Variants in RASGRF1 observed in about 807,000 individuals in gnomAD.
RASGRF1 encodes Ras protein specific guanine nucleotide releasing factor 1.
In RASGRF1, 40 loss-of-function variants were observed where a neutral mutation model predicts 138.7. That is an observed-to-expected ratio of 0.29 (90% CI 0.22 to 0.38). The LOEUF is 0.38. Ranked by LOEUF, RASGRF1 falls within the 10% of genes least tolerant of loss-of-function variation. The pLI is 1.00. For missense variants in RASGRF1, 1,108 were observed against 1,650.4 expected (o/e 0.67, Z 5.69); for synonymous variants, 614 against 663.2 (o/e 0.93, Z 1.14).
At chr15:78,992,695 C>T (rs1005587255) in intron 20 of RASGRF1, among the ~76,000 whole-genome samples, 3 of 152,198 alleles carry the variant, frequency 2.0e-5, no homozygotes, top group Admixed American at 2.0e-4. Context: ...TGAGAGATGA[C>T]TGTCTCGTGT....
chr15:79,000,046 CG>C, intron 16 of RASGRF1, 133 bp from the exon 17 acceptor site: 1 of 925,186 alleles, frequency 1.1e-6, no homozygotes, highest in Non-Finnish European at 1.7e-6. Context: ...CAGGGCATGT[CG>C]GGTGGTGCTG....
At chr15:79,079,781 C>T (rs1362020871) in intron 1 of RASGRF1, among the ~76,000 whole-genome samples, 1 of 152,210 alleles carries the variant, frequency 6.6e-6, no homozygotes, top group Non-Finnish European at 1.5e-5. Flanking sequence ...TATGGACATG[C>T]ATTACCAATC....
chr15:78,978,549 C>T, intron 24 of RASGRF1: 4 of 986,556 alleles, frequency 4.1e-6, no homozygotes, highest in Non-Finnish European at 4.8e-6. Flanking sequence ...TAATGAAAAG[C>T]TAAAAAAAGA....
intron 5 of RASGRF1, among the ~76,000 whole-genome samples, chr15:79,041,913 G>A (rs1296745950): frequency 2.0e-5 from 3 of 152,134 alleles, no homozygotes; most frequent in Non-Finnish European, 2.9e-5. Context: ...CTCAGCTCAG[G>A]GCTCCAGGCA....
intron 24 of RASGRF1, chr15:78,979,471 T>C (rs1292238989): frequency 2.5e-5 from 5 of 198,332 alleles, no homozygotes; most frequent in Non-Finnish European, 3.2e-5. Flanking sequence ...CTGAGCTATA[T>C]AGGGAACCGG....
intron 26 of RASGRF1, among the ~76,000 whole-genome samples, chr15:78,966,858 G>A (rs906478380): frequency 6.6e-6 from 1 of 151,928 alleles, no homozygotes; most frequent in Non-Finnish European, 1.5e-5. Flanking sequence ...AATACACACT[G>A]GATTTTTGAA....
At chr15:79,021,954 C>T (rs575514448) in intron 10 of RASGRF1, among the ~76,000 whole-genome samples, 34 of 152,214 alleles carry the variant, frequency 2.2e-4, no homozygotes, top group Admixed American at 4.6e-4. Context: ...GTACCTGACA[C>T]GAGAACTCCC....
chr15:79,059,390 TTC>T (rs2057563752), intron 2 of RASGRF1, among the ~76,000 whole-genome samples: 5 of 119,250 alleles, frequency 4.2e-5, no homozygotes, highest in Non-Finnish European at 6.9e-5. Flanking sequence ...TTCCCTTCCC[TTC>T]CCTTCCCTTC....
rs149357652 is a variant in RASGRF1 at position 79,038,465 on chromosome 15, C to T, written c.879-3255G>A. Among the ~76,000 whole-genome samples the T allele has an allele frequency of 3.9e-5, 6 of 152,118 alleles. No homozygotes were observed. In the South Asian group the frequency reaches 1.0e-3, roughly 26 times the overall value. On this transcript the variant is annotated intron_variant, in intron 5 of 26. Transcript: ENST00000558480. ...CTCAGAAATTACTATCATTGCCCAGCCAACTAAAAAAATTATCTCATATTG... is the reference window on the plus strand; with the variant it reads ...CTCAGAAATTACTATCATTGCCCAGTCAACTAAAAAAATTATCTCATATTG...
At chr15:79,080,153 C>T (rs1441502631) in intron 1 of RASGRF1, among the ~76,000 whole-genome samples, 1 of 152,224 alleles carries the variant, frequency 6.6e-6, no homozygotes, top group East Asian at 1.9e-4. Context: ...AGCCTGTTTC[C>T]CTCCTTGCTC....
Position 79,027,442 on chromosome 15 carries a change from A to G in RASGRF1, c.1381+299T>C, listed in dbSNP as rs2057075878. Among the ~76,000 whole-genome samples the G allele has an allele frequency of 6.6e-6, 1 of 152,206 alleles. No homozygotes were observed. The highest frequency in any genetic ancestry group is 1.9e-4 in the East Asian group (1 of 5,202). On this transcript the variant is annotated intron_variant, in intron 9 of 26. Transcript: ENST00000558480. This position sits in a 1 kb window ranked among gnomAD's most constrained non-coding sequence, Gnocchi z 4.8. ...CCCATACTTTCTCCCCAAAAAGGAC[A>G]TGTCGATGTTTACTATGACATACAA... is the stretch of plus-strand genomic sequence containing the variant.
At chr15:79,012,525 C>T in intron 13 of RASGRF1, 1 of 1,613,910 alleles carries the variant, frequency 6.2e-7, no homozygotes, top group East Asian at 2.2e-5. Context: ...CTCCCTGGTC[C>T]TCCTGTGAAG....
Position 79,064,432 on chromosome 15 carries a change from A to T in RASGRF1, c.371T>A (p.Ile124Asn). The T allele has an allele frequency of 6.2e-7, 1 of 1,614,078 alleles. No homozygotes were observed. Among genetic ancestry groups the T allele is most frequent in the Admixed American group, 1.7e-5 (1 of 60,020 alleles). Residue 124 changes from isoleucine to asparagine, a missense_variant, in exon 2 of 27, where the codon ATT becomes AAT. Physicochemically the swap from Ile to Asn is moderately radical, Grantham distance 149. Around this residue, in one of 3 missense-constraint regions of RASGRF1, gnomAD observed 253 missense variants for 329.5 expected, o/e 0.77. Transcript: ENST00000558480. ...CAAGGAGACATACCTGGCATGTGCA[A>T]TGGCTGCCACCCATTCGTCACAATC... ...AKDCDEWVAA[I>N]AHASYRTLAT...
At chr15:79,059,552 A>G (rs1161721688) in intron 2 of RASGRF1, among the ~76,000 whole-genome samples, 1 of 152,228 alleles carries the variant, frequency 6.6e-6, no homozygotes, top group Non-Finnish European at 1.5e-5. Flanking sequence ...CATTTCACAA[A>G]TGAAGAAACT....
intron 22 of RASGRF1, among the ~76,000 whole-genome samples, chr15:78,987,577 T>TC (rs2056186387): frequency 6.6e-6 from 1 of 151,970 alleles, no homozygotes; most frequent in African/African-American, 2.4e-5. Flanking sequence ...GCACCTGTAA[T>TC]CCCAGCTACT....
chr15:79,088,803 T>G (rs941011084), intron 1 of RASGRF1, among the ~76,000 whole-genome samples: 1 of 152,192 alleles, frequency 6.6e-6, no homozygotes, highest in Admixed American at 6.5e-5. Flanking sequence ...TTCCCCAGGC[T>G]CCATTTGAGC....
Position 79,005,405 on chromosome 15 carries a change from C to T in RASGRF1, c.2075+781G>A, listed in dbSNP as rs188186140. 1.2e-5 allele frequency: 12 copies of T among 985,320 alleles called. No homozygotes were observed. The Admixed American group carries it at 3.7e-4, about 30-fold the overall frequency. The allele number at this position is 985,320 out of a possible 1,614,324, so 61.0% of individuals were successfully genotyped here. A position where few individuals can be genotyped will look rare whatever the true frequency, so the allele number is the denominator to read the frequency against. ...CTAGGGTGTTTTGGGGCAGGGCACT[C>T]AGAGAGCCTCTGAGCCTCTGAGGGC... is the stretch of plus-strand genomic sequence containing the variant. On this transcript the variant is annotated intron_variant, in intron 14 of 26. Coordinates refer to ENST00000558480, the MANE Select transcript of RASGRF1 (RefSeq NM_001145648.3).
chr15:79,076,058 C>A (rs1189283240), intron 1 of RASGRF1, among the ~76,000 whole-genome samples: 1 of 152,240 alleles, frequency 6.6e-6, no homozygotes, highest in African/African-American at 2.4e-5. Context: ...TGTATATGTG[C>A]TTTTGGAAAG....
At chr15:78,995,290 CT>C (rs35098582) in intron 20 of RASGRF1, among the ~76,000 whole-genome samples, 15,499 of 132,200 alleles carry the variant, frequency 0.12, 1,509 homozygotes, top group African/African-American at 0.29. Flanking sequence ...TTTTTTCTTT[CT>C]TTTTTTTTTT....
Sources: gnomAD v4.1 joint callset for allele counts (sites outside exome capture counted in the v4.1 genomes callset) on GRCh38, gnomAD v4.1.1 for gene constraint, gnomAD v4.1.1 regional missense constraint, Gnocchi (gnomAD v3.1) non-coding constraint, MANE v1.5 for transcripts, NCBI Gene and HGNC (gene_info 2026-07-23, HGNC 2026-07-21) for gene names.